PPM1L: variants seen among roughly 807,000 people sequenced by gnomAD.
PPM1L encodes protein phosphatase 1L.
Under a neutral mutation model 31.4 loss-of-function variants are expected in PPM1L, and 13 were observed. The observed-to-expected ratio is 0.41, with a 90% confidence interval of 0.27 to 0.66. PPM1L has a LOEUF of 0.66. Among genes scored for constraint, PPM1L ranks in the 30% least tolerant of loss-of-function variants. The probability of loss-of-function intolerance (pLI) is 0.29; values close to 1 mark genes in which losing one functional copy is unlikely to be tolerated. For synonymous variants in PPM1L, 184 were observed against 175.4 expected (o/e 1.05, Z -0.39); for missense variants, 326 against 453.7 (o/e 0.72, Z 2.56).
At chr3:160,899,021 C>A (rs991766535) in intron 1 of PPM1L, among the ~76,000 whole-genome samples, 5 of 152,042 alleles carry the variant, frequency 3.3e-5, no homozygotes, top group Non-Finnish European at 7.4e-5. Context: ...TCTAACGTTC[C>A]AGTGTTCATA....
At chr3:161,028,395 A>C (rs1559929746) in intron 2 of PPM1L, among the ~76,000 whole-genome samples, 1 of 152,192 alleles carries the variant, frequency 6.6e-6, no homozygotes, top group Non-Finnish European at 1.5e-5. Context: ...ATACAGGTGG[A>C]TGCAGCTGAA....
intron 2 of PPM1L, among the ~76,000 whole-genome samples, chr3:161,050,089 A>G (rs964650827): frequency 6.6e-6 from 1 of 152,154 alleles, no homozygotes; most frequent in Non-Finnish European, 1.5e-5. Context: ...AGAGCTTTCC[A>G]AGCCTCCCAT....
intron 1 of PPM1L, among the ~76,000 whole-genome samples, chr3:160,832,945 G>C (rs1292701174): frequency 6.6e-6 from 1 of 152,044 alleles, no homozygotes; most frequent in African/African-American, 2.4e-5. Flanking sequence ...ACAGGCCCCA[G>C]TGTGTGTTGT....
At position 161,077,719 on chromosome 3, in the gene PPM1L, A is replaced by C; in HGVS notation, c.*8562A>C. 6.6e-6 allele frequency: 1 copy of C among 152,178 alleles called. No homozygotes were observed. The highest frequency in any genetic ancestry group is 1.5e-5 in the Non-Finnish European group (1 of 68,020). The allele number at this position is 152,178 out of a possible 1,614,324, so 9.4% of individuals were successfully genotyped here. Reference sequence around the variant, plus strand: ...CAGAAGACTAAATGTCATTTTTTTAAATCATAAATTTGGTATCCATAGTTA... The same window carrying C: ...CAGAAGACTAAATGTCATTTTTTTACATCATAAATTTGGTATCCATAGTTA... On this transcript the variant is annotated 3_prime_UTR_variant, in exon 4 of 4. Coordinates refer to ENST00000498165, the MANE Select transcript of PPM1L (RefSeq NM_139245.4).
At chr3:161,004,873 CT>C (rs1265323790) in intron 2 of PPM1L, among the ~76,000 whole-genome samples, 1 of 151,940 alleles carries the variant, frequency 6.6e-6, no homozygotes, top group Non-Finnish European at 1.5e-5. Flanking sequence ...CATTTCTTGC[CT>C]TCTGCTAGCT....
intron 1 of PPM1L, among the ~76,000 whole-genome samples, chr3:160,814,160 C>G (rs529023714): frequency 9.2e-5 from 14 of 152,132 alleles, no homozygotes; most frequent in African/African-American, 3.4e-4. Context: ...CTTTCTTTTC[C>G]CACCTAACAT....
At chr3:160,818,755 G>T (rs1713070026) in intron 1 of PPM1L, among the ~76,000 whole-genome samples, 1 of 151,718 alleles carries the variant, frequency 6.6e-6, no homozygotes, top group South Asian at 2.1e-4. Flanking sequence ...GGGGTATACT[G>T]TGATGTTTTG....
At chr3:160,808,416 T>C (rs9290064) in intron 1 of PPM1L, among the ~76,000 whole-genome samples, 51,949 of 128,846 alleles carry the variant, frequency 0.4, 12,386 homozygotes, top group African/African-American at 0.62. Context: ...TGTGTGTGTG[T>C]GTGTGTGGTG....
chr3:160,857,100 T>TAATA (rs1184894769), intron 1 of PPM1L, among the ~76,000 whole-genome samples: 1 of 152,192 alleles, frequency 6.6e-6, no homozygotes, highest in East Asian at 1.9e-4. Flanking sequence ...AGAAAGAAGT[T>TAATA]AATATTCTTG....
intron 1 of PPM1L, among the ~76,000 whole-genome samples, chr3:160,764,011 T>C (rs1348826144): frequency 6.6e-6 from 1 of 152,234 alleles, no homozygotes; most frequent in African/African-American, 2.4e-5. Context: ...AAAAATAATA[T>C]GACTCCATGA....
chr3:160,985,963 G>T (rs1447012293), intron 2 of PPM1L, among the ~76,000 whole-genome samples: 1 of 106,594 alleles, frequency 9.4e-6, no homozygotes, highest in Non-Finnish European at 1.9e-5. Flanking sequence ...AGTTCTCAGG[G>T]AACACTCTCC....
intron 2 of PPM1L, among the ~76,000 whole-genome samples, chr3:161,008,873 TTACGCTCA>T (rs1417379710): frequency 1.3e-5 from 2 of 152,142 alleles, no homozygotes; most frequent in Non-Finnish European, 2.9e-5. Context: ...TATATGAGTT[TTACGCTCA>T]GTGGACAGAT....
chr3:160,983,866 A>G (rs916838843), intron 2 of PPM1L, among the ~76,000 whole-genome samples: 11 of 152,196 alleles, frequency 7.2e-5, no homozygotes, highest in African/African-American at 2.4e-4. Flanking sequence ...AAGCCACAAA[A>G]CCAGCAAGTT....
chr3:160,958,083 A>G (rs534968102), intron 1 of PPM1L, among the ~76,000 whole-genome samples: 6 of 152,294 alleles, frequency 3.9e-5, no homozygotes, highest in Non-Finnish European at 5.9e-5. Flanking sequence ...AGAATTTTCA[A>G]AAATGTTCTC....
chr3:160,763,827 T>C (rs1715034051), intron 1 of PPM1L, among the ~76,000 whole-genome samples: 1 of 152,060 alleles, frequency 6.6e-6, no homozygotes, highest in Admixed American at 6.6e-5. Flanking sequence ...GCGTGGGCCA[T>C]TGTTGAAAGA....
chr3:160,810,057 C>T (rs1323185223), intron 1 of PPM1L, among the ~76,000 whole-genome samples: 3 of 151,864 alleles, frequency 2.0e-5, no homozygotes, highest in African/African-American at 7.3e-5. Flanking sequence ...ATCTTAATTC[C>T]TTTCCTTTAT....
chr3:160,790,473 C>T (rs867203014), intron 1 of PPM1L, among the ~76,000 whole-genome samples: 1 of 152,058 alleles, frequency 6.6e-6, no homozygotes. Flanking sequence ...GGCAAACTGG[C>T]CTGGCAGAGA....
At chr3:161,061,294 A>C (rs1247515234) in intron 2 of PPM1L, among the ~76,000 whole-genome samples, 1 of 152,230 alleles carries the variant, frequency 6.6e-6, no homozygotes, top group Admixed American at 6.5e-5. Flanking sequence ...AGTAATTCAG[A>C]ATACCACCTA....
intron 2 of PPM1L, among the ~76,000 whole-genome samples, chr3:161,012,046 A>G (rs564571273): frequency 6.6e-6 from 1 of 152,312 alleles, no homozygotes; most frequent in Admixed American, 6.5e-5. Flanking sequence ...CAGAACTTCC[A>G]ACACTATGTT....
Sources: gnomAD v4.1 joint callset for allele counts (sites outside exome capture counted in the v4.1 genomes callset) on GRCh38, gnomAD v4.1.1 for gene constraint, MANE v1.5 for transcripts, NCBI Gene and HGNC (gene_info 2026-07-23, HGNC 2026-07-21) for gene names.